The following NDST4 variants were observed in gnomAD, a reference collection of about 807,000 sequenced individuals.
NDST4 encodes N-deacetylase and N-sulfotransferase 4.
A neutral mutation model predicts 100.8 loss-of-function variants in NDST4; 63 were observed. The observed-to-expected ratio is 0.62, with a 90% CI of 0.51 to 0.77. NDST4 has a LOEUF of 0.77. NDST4 is among the 30% of genes least tolerant of loss of function. NDST4 has a pLI of 0.00. For synonymous variants in NDST4, 377 were observed against 361.8 expected (o/e 1.04, Z -0.48); for missense variants, 943 against 1,018.4 (o/e 0.93, Z 1.01).
Position 114,986,832 on chromosome 4 carries a change from A to ATATATATATATATATTTT in NDST4, c.979-9559_979-9558insAAAATATATATATATATA. On this transcript the variant is annotated intron_variant, in intron 2 of 13. Transcript: ENST00000264363. Reference sequence around the variant, plus strand: ...TATATATATATATATATATATATATATTTTAATATACTATTCCTATAAGCT... The same window carrying ATATATATATATATATTTT: ...TATATATATATATATATATATATATATATATATATATATATTTTTTTTAATATACTATTCCTATAAGCT... Among the ~76,000 whole-genome samples the ATATATATATATATATTTT allele has an allele frequency of 2.0e-3, 185 of 94,592 alleles. 3 individuals are homozygous for ATATATATATATATATTTT. The highest frequency in any genetic ancestry group is 3.1e-3 in the Non-Finnish European group (142 of 46,194). 62.1% of individuals were successfully genotyped at this position (94,592 alleles called of 152,430 possible).
At chr4:115,053,887 G>C (rs1728639274) in intron 2 of NDST4, among the ~76,000 whole-genome samples, 1 of 152,000 alleles carries the variant, frequency 6.6e-6, no homozygotes, top group African/African-American at 2.4e-5. Context: ...CTGAGTGTAA[G>C]AAATGTATCT....
chr4:115,032,733 C>T (rs1355687014), intron 2 of NDST4, among the ~76,000 whole-genome samples: 1 of 151,990 alleles, frequency 6.6e-6, no homozygotes, highest in Non-Finnish European at 1.5e-5. Flanking sequence ...AGCTTAGGTC[C>T]TTGCAAGAGC....
chr4:115,092,035 C>T (rs558483405), intron 1 of NDST4, among the ~76,000 whole-genome samples: 3 of 152,060 alleles, frequency 2.0e-5, no homozygotes, highest in African/African-American at 7.2e-5. Context: ...GGTTTAGTAA[C>T]ATTACTCTAC....
At chr4:114,962,778 G>A (rs1034753614) in intron 4 of NDST4, among the ~76,000 whole-genome samples, 8 of 152,026 alleles carry the variant, frequency 5.3e-5, no homozygotes, top group Non-Finnish European at 8.8e-5. Context: ...CAAAATCCCA[G>A]TTGTTTATTG....
Position 114,829,910 on chromosome 4 carries a change from T to G in NDST4, c.2397-18A>C. On this transcript the variant is annotated intron_variant, in intron 12 of 13. Transcript: ENST00000264363. ...GATCAAACCTACAGTACATAAAACA[T>G]AATGATTACAAATTGTATGCAGAAT... 1 of 1,561,028 alleles carries G rather than the reference T, an allele frequency of 6.4e-7. No individual in the cohort carries two copies. The highest frequency in any genetic ancestry group is 8.8e-7 in the Non-Finnish European group (1 of 1,142,392).
chr4:114,954,076 A>G (rs1578411000), intron 4 of NDST4, among the ~76,000 whole-genome samples: 1 of 152,158 alleles, frequency 6.6e-6, no homozygotes, highest in African/African-American at 2.4e-5. Context: ...AGAATTAACT[A>G]TATTCAAGAT....
At chr4:115,101,374 A>C (rs368938083) in intron 1 of NDST4, among the ~76,000 whole-genome samples, 61 of 152,152 alleles carry the variant, frequency 4.0e-4, no homozygotes, top group African/African-American at 1.4e-3. Context: ...AATGGAATTT[A>C]AATTCTTTGC....
chr4:114,880,957 C>T (rs540351908), intron 6 of NDST4, among the ~76,000 whole-genome samples: 4 of 152,068 alleles, frequency 2.6e-5, no homozygotes, highest in South Asian at 2.1e-4. Flanking sequence ...TAAGACAGAA[C>T]GCATAGTGAA....
At chr4:115,052,556 A>G (rs1022560285) in intron 2 of NDST4, among the ~76,000 whole-genome samples, 1 of 151,918 alleles carries the variant, frequency 6.6e-6, no homozygotes, top group Admixed American at 6.6e-5. Context: ...GTCTCAAGAG[A>G]TCTTATGGTT....
intron 6 of NDST4, among the ~76,000 whole-genome samples, chr4:114,934,718 C>A (rs753329197): frequency 9.9e-5 from 15 of 151,696 alleles, no homozygotes; most frequent in Admixed American, 2.0e-4. Context: ...ATATTGTATA[C>A]CTAAAAATTG....
chr4:115,079,526 T>G (rs1330455780), intron 1 of NDST4, among the ~76,000 whole-genome samples: 1 of 152,142 alleles, frequency 6.6e-6, no homozygotes, highest in African/African-American at 2.4e-5. Context: ...ACTTAAATAA[T>G]TTTCGATTTC....
At chr4:114,945,208 C>CAA (rs1173970826) in intron 4 of NDST4, among the ~76,000 whole-genome samples, 2,819 of 53,420 alleles carry the variant, frequency 0.053, 357 homozygotes, top group East Asian at 0.28. Context: ...AACTCCGTCT[C>CAA]AAAAAAAAAA....
At chr4:114,839,975 T>C (rs1560773062) in intron 10 of NDST4, among the ~76,000 whole-genome samples, 1 of 152,120 alleles carries the variant, frequency 6.6e-6, no homozygotes, top group East Asian at 1.9e-4. Flanking sequence ...AAAATTTAGA[T>C]TTTGCAAGAA....
intron 9 of NDST4, among the ~76,000 whole-genome samples, chr4:114,846,337 T>C (rs1337468132): frequency 6.6e-6 from 1 of 152,226 alleles, no homozygotes; most frequent in Non-Finnish European, 1.5e-5. Flanking sequence ...AATTACACTA[T>C]ATTGTTTAGT....
chr4:114,874,095 T>C lies in NDST4; in HGVS notation c.1537-3145A>G, dbSNP rs1434246785. The stretch of plus-strand genomic sequence containing the variant: ...TATTTTGAATAAAATCATGCAGATA[T>C]TATTGAAAAAAAAGAAGGAATTGTA... On this transcript the variant is annotated intron_variant, in intron 6 of 13. Coordinates refer to ENST00000264363, the MANE Select transcript of NDST4 (RefSeq NM_022569.3). 2.0e-5 allele frequency among the ~76,000 whole-genome samples: 3 copies of C among 152,030 alleles called. No individual in the cohort carries two copies. In the East Asian group the frequency reaches 5.8e-4, roughly 29 times the overall value.
intron 2 of NDST4, among the ~76,000 whole-genome samples, chr4:115,056,257 T>A (rs146151576): frequency 1.6e-3 from 240 of 152,020 alleles, no homozygotes; most frequent in African/African-American, 5.5e-3. Context: ...GAGGCTGAGT[T>A]AGGAGGATCA....
chr4:115,065,905 C>G (rs1728935942), intron 2 of NDST4, among the ~76,000 whole-genome samples: 1 of 152,250 alleles, frequency 6.6e-6, no homozygotes, highest in South Asian at 2.1e-4. Context: ...TATTTTCAGC[C>G]AAGTCTGAGC....
intron 6 of NDST4, among the ~76,000 whole-genome samples, chr4:114,929,347 C>T (rs955992989): frequency 6.6e-6 from 1 of 152,086 alleles, no homozygotes; most frequent in Non-Finnish European, 1.5e-5. Context: ...ATGCATAGTC[C>T]TTGTTTTGAG....
At chr4:114,880,637 T>C (rs1363480048) in intron 6 of NDST4, among the ~76,000 whole-genome samples, 3 of 152,152 alleles carry the variant, frequency 2.0e-5, no homozygotes, top group African/African-American at 7.2e-5. Flanking sequence ...CATTTATTAA[T>C]GCTTAATAAG....
Sources: allele counts gnomAD v4.1 joint callset (sites outside exome capture counted in the v4.1 genomes callset), GRCh38; gene constraint gnomAD v4.1.1; transcripts MANE v1.5; gene names NCBI Gene and HGNC (gene_info 2026-07-23, HGNC 2026-07-21).